PSMG2: variants seen among roughly 807,000 people sequenced by gnomAD.
PSMG2 encodes the protein CD40 ligand-activated specific transcript 3.
Under a neutral mutation model 31.5 loss-of-function variants are expected in PSMG2, and 21 were observed. The observed-to-expected ratio is 0.67, with a 90% CI of 0.47 to 0.96. The LOEUF (loss-of-function observed/expected upper bound fraction) is 0.96, where lower values mean the gene tolerates loss of function less well. PSMG2 is among the 40% of genes least tolerant of loss of function. The pLI, the probability that PSMG2 is intolerant of heterozygous loss-of-function variation, is 0.00. For synonymous variants in PSMG2, 120 were observed against 110.4 expected, an observed-to-expected ratio of 1.09 and a Z score of -0.54; for missense variants, 318 against 321.2, an observed-to-expected ratio of 0.99 and a Z score of 0.08.
At chr18:12,707,030 A>G (rs1254786035) in intron 2 of PSMG2, among the ~76,000 whole-genome samples, 3 of 151,966 alleles carry the variant, frequency 2.0e-5, no homozygotes, top group Non-Finnish European at 4.4e-5. Context: ...ATCTCCGCTC[A>G]CTGCAAGCTC....
In PSMG2 at chr18:12,658,774, G is replaced by A. The variant is rs2038634481; in HGVS notation, c.-37+1G>A. 3.0e-6 allele frequency: 1 copy of A among 336,140 alleles called. No homozygotes were observed. 20.8% of individuals were successfully genotyped at this position (336,140 alleles called of 1,614,324 possible). A position where few individuals can be genotyped will look rare whatever the true frequency, so the allele number is the denominator to read the frequency against. On this transcript the variant is annotated splice_donor_variant, in intron 1 of 6. Transcript: ENST00000585331. LOFTEE classifies it low-confidence loss of function (5UTR_SPLICE). ...CTCCCTCTCCACTCCCATCTTCAGG[G>A]TAAGCACCGTAAAGACGGGGATCTT... is the stretch of plus-strand genomic sequence containing the variant.
intron 6 of PSMG2, among the ~76,000 whole-genome samples, 198 bp from the exon 7 acceptor site, chr18:12,725,241 A>C (rs926687258): frequency 5.3e-5 from 8 of 152,096 alleles, no homozygotes; most frequent in Admixed American, 6.6e-5. Flanking sequence ...TTTCTGGCAT[A>C]TCTTTATAAT....
chr18:12,711,699 A>G (rs1354440339), intron 2 of PSMG2, among the ~76,000 whole-genome samples: 1 of 151,518 alleles, frequency 6.6e-6, no homozygotes, highest in East Asian at 1.9e-4. Flanking sequence ...GCACAGTAGT[A>G]ATCCTGTGTC....
chr18:12,702,698 G>A (rs1377367193), upstream of PSMG2: 5 of 840,414 alleles, frequency 5.9e-6, no homozygotes, highest in Non-Finnish European at 8.8e-6. Context: ...GCAACGCCGC[G>A]TCAGGCCGGG....
chr18:12,673,398 G>C (rs780897774), intron 1 of PSMG2: 4 of 1,606,386 alleles, frequency 2.5e-6, no homozygotes, highest in Non-Finnish European at 3.4e-6. Context: ...AAGCAAACAT[G>C]ATCCAAACAG....
intron 1 of PSMG2, among the ~76,000 whole-genome samples, chr18:12,682,231 C>T (rs2039376909): frequency 6.6e-6 from 1 of 151,892 alleles, no homozygotes; most frequent in Non-Finnish European, 1.5e-5. Context: ...GTGGCATGAT[C>T]TCAGCTCAAT....
intron 3 of PSMG2, among the ~76,000 whole-genome samples, chr18:12,713,061 G>A (rs2040346317): frequency 6.6e-6 from 1 of 152,116 alleles, no homozygotes; most frequent in African/African-American, 2.4e-5. Flanking sequence ...TTCAGCTGGT[G>A]GCATCTACAT....
At chr18:12,703,675 AT>A (rs1328836090) in intron 1 of PSMG2, among the ~76,000 whole-genome samples, 3 of 152,222 alleles carry the variant, frequency 2.0e-5, no homozygotes, top group African/African-American at 7.2e-5. Context: ...CCCTCAAAGA[AT>A]TTACACTGTA....
intron 1 of PSMG2, among the ~76,000 whole-genome samples, chr18:12,676,361 G>A (rs1464321787): frequency 7.2e-6 from 1 of 138,352 alleles, no homozygotes; most frequent in African/African-American, 2.7e-5. Context: ...TCGGCTCACT[G>A]CAACCTCTGC....
At chr18:12,659,325 G>A (rs2038647013) in intron 1 of PSMG2, among the ~76,000 whole-genome samples, 1 of 152,080 alleles carries the variant, frequency 6.6e-6, no homozygotes, top group Admixed American at 6.6e-5. Flanking sequence ...ACATACAGCT[G>A]GGAATGGGGA....
At chr18:12,690,948 C>CG (rs397773422) in intron 1 of PSMG2, among the ~76,000 whole-genome samples, 4 of 151,346 alleles carry the variant, frequency 2.6e-5, no homozygotes, top group Non-Finnish European at 5.9e-5. Context: ...AGCCCCCCCC[C>CG]GTTCTGCACA....
intron 2 of PSMG2, among the ~76,000 whole-genome samples, chr18:12,709,810 A>G (rs778156972): frequency 2.0e-5 from 3 of 150,628 alleles, no homozygotes; most frequent in Non-Finnish European, 4.4e-5. Context: ...TAATTTTTGT[A>G]TTTTTAGTAG....
At position 12,721,860 on chromosome 18, in the gene PSMG2, T is replaced by G. The variant is rs145643145; in HGVS notation, c.581+1177T>G. On this transcript the variant is annotated intron_variant, in intron 5 of 6. Transcript: ENST00000317615. ...TTTTTTCTTTTTTACTGAATGTGTT[T>G]ACAGCTGTAAATTTTCCTCTTAGTG... Among the ~76,000 whole-genome samples the G allele has an allele frequency of 1.1e-3, 174 of 152,328 alleles. 1 individual carries two copies. The highest frequency in any genetic ancestry group is 3.8e-3 in the African/African-American group (158 of 41,574).
chr18:12,683,079 C>T (rs773579688), intron 1 of PSMG2, among the ~76,000 whole-genome samples: 3 of 151,176 alleles, frequency 2.0e-5, no homozygotes, highest in African/African-American at 7.3e-5. Flanking sequence ...GGTGTGCCAG[C>T]TTTTGCCTGT....
intron 1 of PSMG2, among the ~76,000 whole-genome samples, chr18:12,695,852 CCACACACA>C (rs375916938): frequency 0.013 from 1,931 of 148,382 alleles, 33 homozygotes; most frequent in African/African-American, 0.043. Flanking sequence ...CATTCCTTCT[CCACACACA>C]CACACACACA....
intron 1 of PSMG2, among the ~76,000 whole-genome samples, chr18:12,675,624 A>G (rs1232623589): frequency 6.6e-6 from 1 of 152,126 alleles, no homozygotes; most frequent in Non-Finnish European, 1.5e-5. Context: ...AGCTTAAAAC[A>G]TATTTCTATG....
chr18:12,688,186 G>A (rs1394720610), intron 1 of PSMG2, among the ~76,000 whole-genome samples: 3 of 147,134 alleles, frequency 2.0e-5, no homozygotes, highest in Admixed American at 6.9e-5. Flanking sequence ...AGCCGAGATC[G>A]TGCCACTGCA....
At chr18:12,715,272 G>A (rs911433701) in intron 3 of PSMG2, among the ~76,000 whole-genome samples, 3 of 152,072 alleles carry the variant, frequency 2.0e-5, no homozygotes, top group Admixed American at 6.5e-5. Flanking sequence ...ACCTCCCAAA[G>A]TAGTGGGATT....
At position 12,662,017 on chromosome 18, in the gene PSMG2, T is replaced by G. The variant is rs1266507757; in HGVS notation, c.-37+3244T>G. The G allele has an allele frequency of 1.1e-5, 3 of 263,250 alleles. No homozygotes were observed. In the Admixed American group the frequency reaches 1.5e-4, roughly 13 times the overall value. 16.3% of individuals were successfully genotyped at this position (263,250 alleles called of 1,614,324 possible). The stretch of plus-strand genomic sequence containing the variant: ...TTGAATCCTTGACTTTTTTTATATT[T>G]ACTTCTTATTCTTGTAGAATAAGTG... On this transcript the variant is annotated intron_variant, in intron 1 of 6. Coordinates refer to the PSMG2 transcript ENST00000585331.
Sources: gnomAD v4.1 joint callset for allele counts (sites outside exome capture counted in the v4.1 genomes callset) on GRCh38, gnomAD v4.1.1 for gene constraint, MANE v1.5 for transcripts, NCBI Gene and HGNC (gene_info 2026-07-23, HGNC 2026-07-21) for gene names.